GLB1: variants seen among roughly 807,000 people sequenced by gnomAD.
GLB1 encodes beta-galactosidase.
In GLB1, 56 loss-of-function variants were observed where a neutral mutation model predicts 74.0. The observed-to-expected ratio is 0.76, with a 90% CI of 0.61 to 0.94. The LOEUF (loss-of-function observed/expected upper bound fraction) is 0.94, where lower values mean the gene tolerates loss of function less well. GLB1 is among the 40% of genes least tolerant of loss of function. GLB1 has a pLI of 0.00. For missense variants in GLB1, 787 were observed against 845.5 expected (o/e 0.93, Z 0.86); for synonymous variants, 323 against 323.6 (o/e 1.00, Z 0.02).
chr3:33,054,911 C>T (rs777574936), intron 6 of GLB1, among the ~76,000 whole-genome samples: 1 of 152,252 alleles, frequency 6.6e-6, no homozygotes, highest in Admixed American at 6.5e-5. Flanking sequence ...CACTTCACAA[C>T]CCAGTTCCCA....
At chr3:33,071,343 C>T (rs1387739681) in intron 2 of GLB1, among the ~76,000 whole-genome samples, 7 of 152,222 alleles carry the variant, frequency 4.6e-5, no homozygotes, top group Admixed American at 2.0e-4. Context: ...TGGGTTTTCT[C>T]ACTCTTCATC....
the GLB1 span, among the ~76,000 whole-genome samples, chr3:32,979,671 A>C: frequency 5.3e-5 from 8 of 151,828 alleles, no homozygotes; most frequent in Non-Finnish European, 8.8e-5. Context: ...TGAGCAACAT[A>C]GTGAGACCCT....
the GLB1 span, among the ~76,000 whole-genome samples, chr3:32,963,566 A>G: frequency 2.6e-5 from 4 of 152,292 alleles, no homozygotes; most frequent in Admixed American, 2.6e-4. Context: ...CAAGTGGCAC[A>G]TGGATGTTTG....
At chr3:33,078,084 A>T (rs923120117) in intron 1 of GLB1, among the ~76,000 whole-genome samples, 3 of 152,114 alleles carry the variant, frequency 2.0e-5, no homozygotes, top group Non-Finnish European at 4.4e-5. Flanking sequence ...TAAAATAAAT[A>T]AACAAACAAA....
At position 33,093,309 on chromosome 3, in the gene GLB1, T is replaced by A. The variant is rs758431159; in HGVS notation, c.75+3702A>T. On this transcript the variant is annotated intron_variant, in intron 1 of 15. Transcript: ENST00000307363. This position sits in a 1 kb window ranked among gnomAD's most constrained non-coding sequence, Gnocchi z 6.0. Reference sequence around the variant, plus strand: ...GTTCTCATTATGAAGAGGCTGGACATGCAGGGATTCCAGAAGTGCAAACCA... The same window carrying A: ...GTTCTCATTATGAAGAGGCTGGACAAGCAGGGATTCCAGAAGTGCAAACCA... 1 of 1,614,090 alleles carries A rather than the reference T, an allele frequency of 6.2e-7. No individual in the cohort carries two copies. The highest frequency in any genetic ancestry group is 2.2e-5 in the East Asian group (1 of 44,856).
At chr3:32,977,564 C>A in the GLB1 span, among the ~76,000 whole-genome samples, 1 of 152,080 alleles carries the variant, frequency 6.6e-6, no homozygotes, top group Non-Finnish European at 1.5e-5. Context: ...CTGTGTTAGA[C>A]ATGCTGAAAG....
In GLB1 at chr3:33,043,932, A is replaced by G. The variant is rs1479069154; in HGVS notation, c.1068+2188T>C. The stretch of plus-strand genomic sequence containing the variant: ...TCCCTTTACTATTAAGTACTGAAGG[A>G]TGTAATTCTCAATTTGCCCACCTAA... On this transcript the variant is annotated intron_variant, in intron 10 of 15. Transcript: ENST00000307363. Among the ~76,000 whole-genome samples the G allele has an allele frequency of 2.0e-5, 3 of 151,884 alleles. No homozygotes were observed. The East Asian group carries it at 5.8e-4, about 29-fold the overall frequency.
rs930671634 is a variant in GLB1 at position 33,089,021 on chromosome 3, T to C, written c.75+7990A>G. 2.0e-5 allele frequency among the ~76,000 whole-genome samples: 3 copies of C among 152,170 alleles called. No homozygotes were observed. The East Asian group carries it at 5.8e-4, about 29-fold the overall frequency. On this transcript the variant is annotated intron_variant, in intron 1 of 15. Transcript: ENST00000307363. ...TTTTCAACAAAGATGCCAAGATCTC[T>C]TGATGTTAGAAAAGGACAATTTCTT...
intron 15 of GLB1, among the ~76,000 whole-genome samples, chr3:33,003,082 G>A (rs546423324): frequency 1.3e-5 from 2 of 152,238 alleles, no homozygotes; most frequent in East Asian, 3.9e-4. Context: ...TGCAGCTGAC[G>A]CAAATCACAC....
chr3:33,051,603 C>CAA (rs59740209), intron 9 of GLB1, among the ~76,000 whole-genome samples, 155 bp downstream of exon 9: 42 of 75,418 alleles, frequency 5.6e-4, no homozygotes, highest in East Asian at 3.2e-3. Flanking sequence ...AGACTGTCTA[C>CAA]AAAAAAAAAA....
chr3:33,056,129 G>A (rs1205592913), intron 6 of GLB1, among the ~76,000 whole-genome samples: 1 of 148,594 alleles, frequency 6.7e-6, no homozygotes, highest in Admixed American at 6.8e-5. Context: ...TTGGGAGGCT[G>A]AGGTAGGAGA....
intron 12 of GLB1, chr3:33,021,306 T>C (rs1484689649): frequency 1.9e-6 from 1 of 524,044 alleles, no homozygotes; most frequent in African/African-American, 1.9e-5. Flanking sequence ...ATTTATAACT[T>C]GTACAGAATT....
chr3:33,085,527 A>T (rs1296152047), intron 1 of GLB1, among the ~76,000 whole-genome samples: 2 of 152,080 alleles, frequency 1.3e-5, no homozygotes, highest in African/African-American at 4.8e-5. Flanking sequence ...TCCTAGCAAT[A>T]CCCAAAGACA....
intron 1 of GLB1, among the ~76,000 whole-genome samples, chr3:33,078,838 A>C (rs1700221213): frequency 6.6e-6 from 1 of 152,162 alleles, no homozygotes; most frequent in East Asian, 1.9e-4. Flanking sequence ...TTTATTTACT[A>C]TTATAATTTT....
intron 12 of GLB1, among the ~76,000 whole-genome samples, chr3:33,019,139 C>CTAA (rs55687583): frequency 2.6e-5 from 4 of 151,462 alleles, no homozygotes; most frequent in Admixed American, 2.0e-4. Flanking sequence ...GACCTCATCT[C>CTAA]TAATAATAAT....
At chr3:32,974,103 G>A in the GLB1 span, among the ~76,000 whole-genome samples, 1 of 152,214 alleles carries the variant, frequency 6.6e-6, no homozygotes. Flanking sequence ...ACTAAGATTT[G>A]AAGCAACCCC....
At position 33,014,140 on chromosome 3, in the gene GLB1, G is replaced by A; in HGVS notation, c.1650C>T (p.Ala550=). ...AHNSSNYTLP[A]FYMGNFSIPS... ...GAATGGAGAAGTTCCCCATATAAAA[G>A]GCCGGGAGCGTGTAGTTGGATGAGT... Residue 550 remains alanine, a synonymous_variant, in exon 15 of 16, where the codon GCC becomes GCT. Coordinates refer to ENST00000307363, the MANE Select transcript of GLB1 (RefSeq NM_000404.4). The A allele has an allele frequency of 6.2e-7, 1 of 1,614,184 alleles. No individual in the cohort carries two copies. The highest frequency in any genetic ancestry group is 8.5e-7 in the Non-Finnish European group (1 of 1,180,040).
At chr3:33,092,996 C>T (rs371574640) in intron 1 of GLB1, 15 of 1,614,222 alleles carry the variant, frequency 9.3e-6, no homozygotes, top group Non-Finnish European at 1.2e-5. Flanking sequence ...CTGCTACGTT[C>T]AAGGGGAAGA....
At chr3:33,092,017 T>C in intron 1 of GLB1, 1 of 984,572 alleles carries the variant, frequency 1.0e-6, no homozygotes, top group Non-Finnish European at 1.2e-6. Context: ...CTTGGTTTCC[T>C]TATCTCCAAA....
Sources: allele counts gnomAD v4.1 joint callset (sites outside exome capture counted in the v4.1 genomes callset), GRCh38; gene constraint gnomAD v4.1.1; non-coding constraint Gnocchi (gnomAD v3.1); transcripts MANE v1.5; gene names NCBI Gene and HGNC (gene_info 2026-07-23, HGNC 2026-07-21).